The following MED13 variants were observed in gnomAD, a reference collection of about 807,000 sequenced individuals.
MED13 encodes the protein mediator of RNA polymerase II transcription subunit 13.
Under a neutral mutation model 225.2 loss-of-function variants are expected in MED13, and 23 were observed. The ratio of observed to expected loss-of-function variants is 0.10; its 90% CI spans 0.07 to 0.14. MED13 has a LOEUF of 0.14. Among genes scored for constraint, MED13 ranks in the 10% least tolerant of loss-of-function variants. MED13 has a pLI of 1.00. For synonymous variants in MED13, 942 were observed against 889.2 expected (o/e 1.06, Z -1.06); for missense variants, 2,197 against 2,594.5 (o/e 0.85, Z 3.33).
In MED13 at chr17:61,956,506, C is replaced by A. The variant is rs373254603; in HGVS notation, c.5481-25G>T. The A allele has an allele frequency of 3.2e-6, 5 of 1,575,232 alleles. No individual in the cohort carries two copies. The African/African-American group carries it at 5.5e-5, about 17-fold the overall frequency. ...CCTATTGTGTGAATAAAGAGAGTGT[C>A]ATAAATATTTCTAAAATTTATATGA... On this transcript the variant is annotated intron_variant, in intron 23 of 29. Coordinates refer to ENST00000397786, the MANE Select transcript of MED13 (RefSeq NM_005121.3).
chr17:61,963,728 G>GT (rs2080028051), intron 20 of MED13, among the ~76,000 whole-genome samples: 1 of 152,136 alleles, frequency 6.6e-6, no homozygotes, highest in African/African-American at 2.4e-5. Flanking sequence ...CAAGATGAGT[G>GT]TATCAATCTC....
chr17:61,984,404 C>T (rs776051379), intron 14 of MED13, 37 bp from the exon 15 acceptor site: 1 of 1,422,840 alleles, frequency 7.0e-7, no homozygotes, highest in South Asian at 1.5e-5. Flanking sequence ...AGTATCTTAT[C>T]TTCTAGGAGG....
At chr17:61,959,617 C>T (rs538578615) in intron 23 of MED13, among the ~76,000 whole-genome samples, 76 of 151,970 alleles carry the variant, frequency 5.0e-4, no homozygotes, top group African/African-American at 1.7e-3. Context: ...GCTTCCCCAG[C>T]ACCATTAAAG....
At position 61,962,774 on chromosome 17, in the gene MED13, A is replaced by C. The variant is rs772945640; in HGVS notation, c.5042T>G (p.Ile1681Ser). The change falls in exon 21 of 30, where the codon ATC (isoleucine) becomes AGC (serine). Residue 1681 changes from isoleucine (I) to serine (S), a missense_variant. This residue lies in a region of MED13 where 457 missense variants were observed against 442.2 expected (regional missense o/e 1.03). Transcript: ENST00000397786. ...LEMVQTLPPH[I>S]KSTVSVQIIP... ...TACCTGTACAGAAACAGTACTCTTG[A>C]TATGAGGAGGAAGAGTCTGGACCAT... is the stretch of plus-strand genomic sequence containing the variant. 12 of 1,613,870 alleles carry C rather than the reference A, an allele frequency of 7.4e-6. No individual in the cohort carries two copies. Among genetic ancestry groups the C allele is most frequent in the Non-Finnish European group, 1.0e-5 (12 of 1,179,880 alleles).
chr17:61,968,341 T>G, intron 17 of MED13, 83 bp from the exon 18 acceptor site: 3 of 1,015,832 alleles, frequency 3.0e-6, no homozygotes, highest in Non-Finnish European at 4.0e-6. Context: ...TTATTTATTT[T>G]TTGAGACAGA....
At chr17:62,062,579 ACACACACACACACACACACAC>A (rs1301924972) in intron 2 of MED13, among the ~76,000 whole-genome samples, 4 of 109,500 alleles carry the variant, frequency 3.7e-5, no homozygotes, top group Middle Eastern at 4.7e-3. Flanking sequence ...ATGCCTTAAA[ACACACACACACACACACACAC>A]CACACACACA....
chr17:61,977,970 G>A (rs2080171222), intron 16 of MED13, among the ~76,000 whole-genome samples: 1 of 152,104 alleles, frequency 6.6e-6, no homozygotes, highest in Non-Finnish European at 1.5e-5. Flanking sequence ...GCAGCTTTCT[G>A]TTTACATCAG....
Position 61,982,988 on chromosome 17 carries a change from G to A in MED13, c.3015C>T (p.Ser1005=). ...TCCTTGGAGTTGGAAACCGAGGGGT[G>A]GATGGAGAAGGAAGAATTCCTGCTC... ...NSGAGILPSP[S]TPRFPTPRTP... is the part of the protein sequence containing the mutation. The change falls in exon 16 of 30, where the codon TCC becomes TCT. Residue 1005 remains serine, a synonymous_variant. Coordinates refer to ENST00000397786, the MANE Select transcript of MED13 (RefSeq NM_005121.3). 1 of 1,614,090 alleles carries A rather than the reference G, an allele frequency of 6.2e-7. No homozygotes were observed. Among genetic ancestry groups the A allele is most frequent in the South Asian group, 1.1e-5 (1 of 91,084 alleles).
In MED13 at chr17:61,962,826, A is replaced by T; in HGVS notation, c.4990T>A (p.Leu1664Met). The T allele has an allele frequency of 6.2e-7, 1 of 1,614,166 alleles. No individual in the cohort carries two copies. The highest frequency in any genetic ancestry group is 8.5e-7 in the Non-Finnish European group (1 of 1,180,032). Reference sequence around the variant, plus strand: ...TCTAGAAAGCATCGAAGTAGCCCCAATGTCCACACACTAGAAGAGTTAGTG... The same window carrying T: ...TCTAGAAAGCATCGAAGTAGCCCCATTGTCCACACACTAGAAGAGTTAGTG... ...ESTNSSSVWT[L>M]GLLRCFLEMV... The change falls in exon 21 of 30, where the codon TTG becomes ATG. Residue 1664 changes from leucine to methionine, a missense_variant. Leu to Met is a conservative substitution (Grantham distance 15). Transcript: ENST00000397786.
chr17:62,037,168 G>A (rs917512077), intron 3 of MED13, among the ~76,000 whole-genome samples: 3 of 151,808 alleles, frequency 2.0e-5, no homozygotes, highest in South Asian at 2.1e-4. Context: ...CATGCGAATC[G>A]CTTGAATCCA....
chr17:62,016,649 A>G (rs2080584477), intron 8 of MED13, among the ~76,000 whole-genome samples: 1 of 152,240 alleles, frequency 6.6e-6, no homozygotes, highest in South Asian at 2.1e-4. Flanking sequence ...AGAAATGCCA[A>G]ATATCACTAA....
intron 27 of MED13, 45 bp from the exon 28 acceptor site, chr17:61,951,043 C>G (rs1172476272): frequency 6.7e-7 from 1 of 1,497,300 alleles, no homozygotes; most frequent in Admixed American, 1.8e-5. Context: ...CTCAGTGTAA[C>G]TAAGTACCAG....
At chr17:62,002,464 G>A (rs997759467) in intron 9 of MED13, among the ~76,000 whole-genome samples, 11 of 144,342 alleles carry the variant, frequency 7.6e-5, no homozygotes, top group East Asian at 2.0e-4. Flanking sequence ...ACTCCAGCCC[G>A]GGCAACAAAA....
rs753587217 is a variant in MED13 at position 61,952,919 on chromosome 17, G to C, written c.6117+46C>G. ...CAAAGTGCTGGGATTTTAGGCGTAAGCCACTGCGCCCGGCCGAGAAAAACT... is the reference window on the plus strand; with the variant it reads ...CAAAGTGCTGGGATTTTAGGCGTAACCCACTGCGCCCGGCCGAGAAAAACT... On this transcript the variant is annotated intron_variant, in intron 27 of 29. Transcript: ENST00000397786. The C allele has an allele frequency of 1.3e-5, 21 of 1,587,982 alleles. No homozygotes were observed. In the African/African-American group the frequency reaches 2.6e-4, roughly 19 times the overall value.
intron 1 of MED13, 73 bp downstream of exon 1, chr17:62,065,067 G>T: frequency 7.3e-7 from 1 of 1,366,142 alleles, no homozygotes; most frequent in Non-Finnish European, 9.9e-7. Context: ...ACCAGACCCG[G>T]CCCCCTCCCC....
intron 3 of MED13, chr17:62,036,928 A>G (rs1057353419): frequency 3.3e-5 from 5 of 152,226 alleles, no homozygotes; most frequent in Admixed American, 1.3e-4. Context: ...CCACTACTGC[A>G]TATGTGACTA....
chr17:62,022,368 C>T (rs867998629), intron 8 of MED13, among the ~76,000 whole-genome samples: 3 of 151,222 alleles, frequency 2.0e-5, no homozygotes, highest in Admixed American at 6.6e-5. Context: ...TTTTTTAAAG[C>T]AAGCACAAGC....
chr17:62,016,457 T>C (rs1483876031), intron 8 of MED13, among the ~76,000 whole-genome samples: 2 of 152,134 alleles, frequency 1.3e-5, no homozygotes, highest in Non-Finnish European at 2.9e-5. Context: ...TGAATAGAAA[T>C]TCATCTTTTC....
At chr17:62,033,193 A>T (rs1004911753) in intron 5 of MED13, among the ~76,000 whole-genome samples, 7 of 151,974 alleles carry the variant, frequency 4.6e-5, no homozygotes, top group Admixed American at 1.3e-4. Flanking sequence ...AAAAAAATAT[A>T]AAAAAATCTG....
Sources: gnomAD v4.1 joint callset for allele counts (sites outside exome capture counted in the v4.1 genomes callset) on GRCh38, gnomAD v4.1.1 for gene constraint, gnomAD v4.1.1 regional missense constraint, MANE v1.5 for transcripts, NCBI Gene and HGNC (gene_info 2026-07-23, HGNC 2026-07-21) for gene names.